HIKESHI: variants seen among roughly 807,000 people sequenced by gnomAD.
The protein encoded by HIKESHI is protein Hikeshi.
HIKESHI carries 13 observed loss-of-function variants against 25.7 expected under a neutral mutation model. The observed-to-expected ratio is 0.51, with a 90% CI of 0.33 to 0.80. The LOEUF is 0.80. HIKESHI is among the 30% of genes least tolerant of loss of function. The probability of loss-of-function intolerance (pLI) is 0.02; values close to 1 mark genes in which losing one functional copy is unlikely to be tolerated. For missense variants in HIKESHI, 174 were observed against 229.5 expected (o/e 0.76, Z 1.56); for synonymous variants, 76 against 78.7 (o/e 0.97, Z 0.18).
chr11:86,309,797 A>T (rs1946783894), intron 2 of HIKESHI, among the ~76,000 whole-genome samples: 1 of 152,204 alleles, frequency 6.6e-6, no homozygotes, highest in Non-Finnish European at 1.5e-5. Flanking sequence ...ATGGCTAGCC[A>T]GTTTTCCCAG....
intron 3 of HIKESHI, among the ~76,000 whole-genome samples, chr11:86,341,829 CT>C (rs1412378131): frequency 1.3e-5 from 2 of 152,098 alleles, no homozygotes; most frequent in African/African-American, 4.8e-5. Flanking sequence ...GTTTTTCCTT[CT>C]TGTTGATTTG....
intron 2 of HIKESHI, among the ~76,000 whole-genome samples, chr11:86,308,297 T>TAAAA (rs373303622): frequency 1.9e-5 from 1 of 52,398 alleles, no homozygotes; most frequent in Non-Finnish European, 3.5e-5. Flanking sequence ...ATATTACATA[T>TAAAA]AATATATATT....
At chr11:86,345,212 C>T in intron 4 of HIKESHI, 1 of 890,216 alleles carries the variant, frequency 1.1e-6, no homozygotes, top group Non-Finnish European at 1.4e-6. Flanking sequence ...TGAATTTTGG[C>T]ATAATGTAGC....
At chr11:86,303,306 C>G (rs1301617376) in intron 1 of HIKESHI, 3 of 656,096 alleles carry the variant, frequency 4.6e-6, no homozygotes, top group Admixed American at 6.3e-5. Flanking sequence ...GCTGAATTGT[C>G]TTTTTTTCCC....
chr11:86,318,536 A>G (rs1947060035), intron 2 of HIKESHI, among the ~76,000 whole-genome samples: 2 of 151,916 alleles, frequency 1.3e-5, no homozygotes, highest in African/African-American at 4.8e-5. Flanking sequence ...TATAACCTTC[A>G]TACCAACAAT....
chr11:86,326,649 T>C (rs1370297361), intron 2 of HIKESHI: 1 of 424,690 alleles, frequency 2.4e-6, no homozygotes, highest in Non-Finnish European at 4.7e-6. Context: ...TATGGAAGAT[T>C]AGACTGGAGC....
At chr11:86,336,454 CTT>C (rs1947564041) in intron 2 of HIKESHI, among the ~76,000 whole-genome samples, 1 of 152,092 alleles carries the variant, frequency 6.6e-6, no homozygotes, top group East Asian at 1.9e-4. Flanking sequence ...GATTACCACT[CTT>C]AGAGTAATAA....
chr11:86,302,348 C>A lies in HIKESHI; in HGVS notation c.-101C>A. On this transcript the variant is annotated 5_prime_UTR_variant, in exon 1 of 5. Transcript: ENST00000278483. ...TGTAGTGGAGGGGCAGACACCCTCC[C>A]GCAAATTCTGGAAGGTTCTTAGTCT... The A allele has an allele frequency of 6.8e-7, 1 of 1,463,484 alleles. No individual in the cohort carries two copies. The highest frequency in any genetic ancestry group is 1.2e-5 in the South Asian group (1 of 81,760). The allele number at this position is 1,463,484 out of a possible 1,614,324, so 90.7% of individuals were successfully genotyped here.
chr11:86,306,346 C>A lies in HIKESHI; in HGVS notation c.132C>A (p.Ile44=). The A allele has an allele frequency of 6.2e-7, 1 of 1,613,896 alleles. No homozygotes were observed. The highest frequency in any genetic ancestry group is 8.5e-7 in the Non-Finnish European group (1 of 1,179,802). ...NHVVVFMLGT[I]PFPEGMGGSV... is the part of the protein sequence containing the mutation. ...TTGTGGTTTTTATGCTGGGAACAATCCCATTTCCTGAGGGAATGGGAGGAT... is the reference window on the plus strand; with the variant it reads ...TTGTGGTTTTTATGCTGGGAACAATACCATTTCCTGAGGGAATGGGAGGAT... The change falls in exon 2 of 5, where the codon ATC becomes ATA. Residue 44 remains isoleucine (I), a synonymous_variant. Transcript: ENST00000278483.
chr11:86,339,483 T>C (rs1025398386), intron 3 of HIKESHI, among the ~76,000 whole-genome samples: 6 of 152,240 alleles, frequency 3.9e-5, no homozygotes, highest in African/African-American at 1.2e-4. Flanking sequence ...TTAACTGTTA[T>C]ATTTTGTCTT....
intron 2 of HIKESHI, among the ~76,000 whole-genome samples, chr11:86,312,098 A>G (rs902810337): frequency 6.6e-6 from 1 of 152,014 alleles, no homozygotes; most frequent in African/African-American, 2.4e-5. Context: ...GAGCTGAGTT[A>G]AGTTCCTGGA....
At chr11:86,321,042 C>T (rs1449134541) in intron 2 of HIKESHI, among the ~76,000 whole-genome samples, 3 of 152,028 alleles carry the variant, frequency 2.0e-5, no homozygotes, top group Admixed American at 6.6e-5. Flanking sequence ...TCAAGTGATT[C>T]TCCTGCCTCA....
At chr11:86,322,851 C>T (rs1217787417) in intron 2 of HIKESHI, among the ~76,000 whole-genome samples, 2 of 152,044 alleles carry the variant, frequency 1.3e-5, no homozygotes, top group Admixed American at 1.3e-4. Flanking sequence ...GTTGAAAAGA[C>T]AAAATCATGA....
intron 2 of HIKESHI, chr11:86,326,508 A>G (rs771295065): frequency 2.2e-5 from 10 of 456,114 alleles, no homozygotes; most frequent in South Asian, 1.5e-4. Context: ...GTTCTCATTC[A>G]TCAGGTAATT....
chr11:86,303,669 G>C (rs1215827258), intron 1 of HIKESHI: 3 of 152,176 alleles, frequency 2.0e-5, no homozygotes, highest in African/African-American at 7.2e-5. Context: ...TATATATTGG[G>C]GATACTTGGT....
At chr11:86,340,740 G>A (rs1947702877) in intron 3 of HIKESHI, among the ~76,000 whole-genome samples, 1 of 152,140 alleles carries the variant, frequency 6.6e-6, no homozygotes, top group Non-Finnish European at 1.5e-5. Context: ...TGCCTCTCAG[G>A]TTCAAGCAAT....
At chr11:86,327,588 A>G (rs2089602408) in intron 2 of HIKESHI, among the ~76,000 whole-genome samples, 3 of 152,210 alleles carry the variant, frequency 2.0e-5, no homozygotes, top group African/African-American at 7.2e-5. Flanking sequence ...TGCTGGGATT[A>G]CAGGCATGAG....
chr11:86,324,355 T>C (rs907334286), intron 2 of HIKESHI: 4 of 152,222 alleles, frequency 2.6e-5, no homozygotes, highest in African/African-American at 7.2e-5. Context: ...ATTTCCATTA[T>C]AACAAGACTA....
chr11:86,319,213 T>TAA (rs1292054348), intron 2 of HIKESHI, among the ~76,000 whole-genome samples: 17 of 126,014 alleles, frequency 1.3e-4, no homozygotes, highest in Middle Eastern at 3.9e-3. Flanking sequence ...GTGCCTGGCT[T>TAA]AAAAATATAT....
Sources: gnomAD v4.1 joint callset for allele counts (sites outside exome capture counted in the v4.1 genomes callset) on GRCh38, gnomAD v4.1.1 for gene constraint, MANE v1.5 for transcripts, NCBI Gene and HGNC (gene_info 2026-07-23, HGNC 2026-07-21) for gene names.